The following TIMM44 variants were observed in gnomAD, a reference collection of about 807,000 sequenced individuals.
The protein encoded by TIMM44 is translocase of inner mitochondrial membrane 44, also known as mitochondrial import inner membrane translocase subunit TIM44.
A neutral mutation model predicts 63.8 loss-of-function variants in TIMM44; 37 were observed. The ratio of observed to expected loss-of-function variants is 0.58; its 90% CI spans 0.45 to 0.76. The LOEUF (loss-of-function observed/expected upper bound fraction) is 0.76. Ranked by LOEUF, TIMM44 falls within the 30% of genes least tolerant of loss-of-function variation. The pLI is 0.00. For synonymous variants in TIMM44, 239 were observed against 245.1 expected (o/e 0.98, Z 0.23); for missense variants, 573 against 603.8 (o/e 0.95, Z 0.54).
intron 10 of TIMM44, among the ~76,000 whole-genome samples, chr19:7,929,520 G>A (rs1330828607): frequency 1.3e-5 from 2 of 152,200 alleles, no homozygotes; most frequent in Non-Finnish European, 2.9e-5. Context: ...TCCAGGGGCT[G>A]TTTGGTTACC....
chr19:7,935,320 A>G (rs1984123168), intron 3 of TIMM44, 175 bp from the exon 4 acceptor site: 9 of 614,728 alleles, frequency 1.5e-5, no homozygotes, highest in Non-Finnish European at 2.3e-5. Flanking sequence ...GCCCACCACC[A>G]TGCCTGGCTA....
chr19:7,941,150 G>A lies in TIMM44; in HGVS notation c.93C>T (p.Pro31=). 1.2e-6 allele frequency: 2 copies of A among 1,614,142 alleles called. No individual in the cohort carries two copies. The highest frequency in any genetic ancestry group is 8.5e-7 in the Non-Finnish European group (1 of 1,180,016). The change falls in exon 2 of 13, where the codon CCC becomes CCT. Residue 31 remains proline (P), a synonymous_variant. Coordinates refer to ENST00000270538, the MANE Select transcript of TIMM44 (RefSeq NM_006351.4). ...GGCGCATCTGATAGGTCGACCCATG[G>A]GGTAGGTTGTGGCTGGAAAGAAATT... The part of the protein sequence containing the change: ...GIQFLSSHNL[P]HGSTYQMRRP...
rs566547732 is a variant in TIMM44 at position 7,932,557 on chromosome 19, G to A, written c.987+70C>T. On this transcript the variant is annotated intron_variant, in intron 9 of 12. Transcript: ENST00000270538. The stretch of plus-strand genomic sequence containing the variant: ...GTTCCCTGGCAGCACCCAGGGTGCC[G>A]GCTGCGGCGGGGGAGGTGGTGGAGC... 6.1e-5 allele frequency: 97 copies of A among 1,592,826 alleles called. 2 individuals carry two copies. In the South Asian group the frequency reaches 6.3e-4, roughly 10 times the overall value.
chr19:7,932,850 G>C lies in TIMM44; in HGVS notation c.852C>G (p.Thr284=), dbSNP rs766405927. Residue 284 remains threonine, a synonymous_variant, in exon 8 of 13, where the codon ACC becomes ACG. Transcript: ENST00000270538. ...GGATGACTCACTCACCCAGCAAGTC[G>C]GTGACCTTGTCCGTAAGGGCCCGGG... The part of the protein sequence containing the change: ...RASRALTDKV[T]DLLGGLFSKT... 23 of 1,614,216 alleles carry C rather than the reference G, an allele frequency of 1.4e-5. No homozygotes were observed. The Middle Eastern group carries it at 6.6e-4, about 46-fold the overall frequency.
chr19:7,933,884 C>T lies in TIMM44; in HGVS notation c.663G>A (p.Glu221=). 6.2e-7 allele frequency: 1 copy of T among 1,614,194 alleles called. No individual in the cohort carries two copies. The highest frequency in any genetic ancestry group is 8.5e-7 in the Non-Finnish European group (1 of 1,180,024). ...TEFAGDKFKE[E]KVFEPNEEAL... ...CCTACTCGTTTGGCTCAAACACTTT[C>T]TCCTCCTTGAACTTATCTCCCGCAA... The change falls in exon 6 of 13, where the codon GAG becomes GAA. Residue 221 remains glutamate (E), a synonymous_variant. Coordinates refer to ENST00000270538, the MANE Select transcript of TIMM44 (RefSeq NM_006351.4). This position sits in a 1 kb window ranked among gnomAD's most constrained non-coding sequence, Gnocchi z 4.3.
intron 9 of TIMM44, 103 bp from the exon 10 acceptor site, chr19:7,931,291 TCA>T: frequency 1.8e-6 from 2 of 1,094,232 alleles, no homozygotes; most frequent in South Asian, 1.2e-5. Flanking sequence ...GGGAGTTTCC[TCA>T]GACACCCCCG....
intron 10 of TIMM44, among the ~76,000 whole-genome samples, chr19:7,929,362 G>A (rs577098422): frequency 1.3e-5 from 2 of 152,282 alleles, no homozygotes; most frequent in South Asian, 4.1e-4. Context: ...GAAGACTATC[G>A]ATGTTTTGTT....
chr19:7,928,070 T>C lies in TIMM44; in HGVS notation c.1128+7A>G, dbSNP rs1344134897. 6.2e-7 allele frequency: 1 copy of C among 1,612,800 alleles called. No homozygotes were observed. The highest frequency in any genetic ancestry group is 8.5e-7 in the Non-Finnish European group (1 of 1,179,286). ...GGTGGCCCGGGCCCCCACTGCGAGG[T>C]GCTTACGTCGACGTTGTCAATGTCT... is the stretch of plus-strand genomic sequence containing the variant. On this transcript the variant is annotated splice_region_variant and intron_variant, in intron 11 of 12. Coordinates refer to ENST00000270538, the MANE Select transcript of TIMM44 (RefSeq NM_006351.4).
At chr19:7,937,946 A>T in intron 3 of TIMM44, 81 bp downstream of exon 3, 6 of 1,533,492 alleles carry the variant, frequency 3.9e-6, no homozygotes. Flanking sequence ...TGAACCTGGG[A>T]GGTGGAGGTT....
chr19:7,937,075 C>T (rs1209281693), intron 3 of TIMM44, among the ~76,000 whole-genome samples: 3 of 151,966 alleles, frequency 2.0e-5, no homozygotes, highest in Non-Finnish European at 4.4e-5. Flanking sequence ...GCACTCCAGC[C>T]TGGGCAATGG....
rs538297012 is a variant in TIMM44, at chr19:7,933,884, C to A, written c.663G>T (p.Glu221Asp). 1 of 1,614,076 alleles carries A rather than the reference C, an allele frequency of 6.2e-7. No homozygotes were observed. Among genetic ancestry groups the A allele is most frequent in the Non-Finnish European group, 8.5e-7 (1 of 1,180,032 alleles). ...TEFAGDKFKE[E>D]KVFEPNEEAL... is the part of the protein sequence containing the mutation. Reference sequence around the variant, plus strand: ...CCTACTCGTTTGGCTCAAACACTTTCTCCTCCTTGAACTTATCTCCCGCAA... The same window carrying A: ...CCTACTCGTTTGGCTCAAACACTTTATCCTCCTTGAACTTATCTCCCGCAA... The change falls in exon 6 of 13, where the codon GAG (glutamate) becomes GAT (aspartate). Residue 221 changes from glutamate (E) to aspartate (D), a missense_variant. By Grantham distance (45) the Glu-to-Asp change is conservative (BLOSUM62 2). Coordinates refer to ENST00000270538, the MANE Select transcript of TIMM44 (RefSeq NM_006351.4). The surrounding 1 kb of genome is among the most constrained non-coding windows in gnomAD (Gnocchi z 4.3).
In TIMM44 at chr19:7,933,074, G is replaced by T; in HGVS notation, c.770-142C>A. 1.4e-6 allele frequency: 1 copy of T among 730,538 alleles called. No homozygotes were observed. The highest frequency in any genetic ancestry group is 2.4e-6 in the Non-Finnish European group (1 of 414,534). The allele number at this position is 730,538 out of a possible 1,614,324, so 45.3% of individuals were successfully genotyped here. ...TCAGGGAGGGGACGGCTGTGGACCT[G>T]CATCCTCATCTGTGCTTGGGGACCG... On this transcript the variant is annotated intron_variant, in intron 7 of 12. Coordinates refer to ENST00000270538, the MANE Select transcript of TIMM44 (RefSeq NM_006351.4). The surrounding 1 kb of genome is among the most constrained non-coding windows in gnomAD (Gnocchi z 4.3).
intron 9 of TIMM44, 177 bp from the exon 10 acceptor site, chr19:7,931,365 T>A: frequency 1.5e-6 from 1 of 669,762 alleles, no homozygotes; most frequent in African/African-American, 1.8e-5. Context: ...GGCCCGTCCC[T>A]GCTGGTGTCA....
At chr19:7,927,350 G>A (rs1297192111) in intron 12 of TIMM44, 44 bp from the exon 13 acceptor site, 1 of 1,598,004 alleles carries the variant, frequency 6.3e-7, no homozygotes, top group Non-Finnish European at 8.5e-7. Context: ...GGGTTGAGGT[G>A]ACCCAGGCAG....
chr19:7,927,352 C>T, intron 12 of TIMM44, 46 bp from the exon 13 acceptor site: 1 of 1,597,292 alleles, frequency 6.3e-7, no homozygotes, highest in Non-Finnish European at 8.5e-7. Flanking sequence ...GTTGAGGTGA[C>T]CCAGGCAGCT....
Position 7,933,271 on chromosome 19 carries a change from G to A in TIMM44, c.769+214C>T, listed in dbSNP as rs777867286. On this transcript the variant is annotated intron_variant, in intron 7 of 12. Transcript: ENST00000270538. This position sits in a 1 kb window ranked among gnomAD's most constrained non-coding sequence, Gnocchi z 4.3. ...ACAGGGGCCTGCGGCTCGTTTCGGG[G>A]CCCTGACTGTGCTTATGAGGGAGCA... 2.0e-5 allele frequency among the ~76,000 whole-genome samples: 3 copies of A among 152,164 alleles called. No homozygotes were observed. The highest frequency in any genetic ancestry group is 4.4e-5 in the Non-Finnish European group (3 of 68,016).
At chr19:7,936,018 G>A (rs978395551) in intron 3 of TIMM44, among the ~76,000 whole-genome samples, 3 of 152,184 alleles carry the variant, frequency 2.0e-5, no homozygotes, top group Admixed American at 6.5e-5. Context: ...GCCAGGCGTG[G>A]TATCCCATGC....
In TIMM44 at chr19:7,934,281, G is replaced by T; in HGVS notation, c.394-43C>A. ...GAGAGGGGGCGTTGGCACCGGCCCT[G>T]GCGGCCGGGGGGCGGGGCAGGAGGA... On this transcript the variant is annotated intron_variant, in intron 4 of 12. Coordinates refer to ENST00000270538, the MANE Select transcript of TIMM44 (RefSeq NM_006351.4). This position sits in a 1 kb window ranked among gnomAD's most constrained non-coding sequence, Gnocchi z 5.3. 1.9e-6 allele frequency: 3 copies of T among 1,604,818 alleles called. No homozygotes were observed. Among genetic ancestry groups the T allele is most frequent in the Non-Finnish European group, 2.5e-6 (3 of 1,179,238 alleles).
intron 1 of TIMM44, among the ~76,000 whole-genome samples, chr19:7,941,541 C>T (rs184699711): frequency 3.3e-5 from 5 of 152,080 alleles, no homozygotes; most frequent in East Asian, 3.9e-4. Context: ...ACCCCTCCCC[C>T]GGTTTTCCAA....
Sources: gnomAD v4.1 joint callset for allele counts (sites outside exome capture counted in the v4.1 genomes callset) on GRCh38, gnomAD v4.1.1 for gene constraint, Gnocchi (gnomAD v3.1) non-coding constraint, MANE v1.5 for transcripts, NCBI Gene and HGNC (gene_info 2026-07-23, HGNC 2026-07-21) for gene names.